Variants in PHACTR3 observed in about 807,000 individuals in gnomAD.
PHACTR3 encodes the protein protein phosphatase 1, regulatory subunit 123.
In PHACTR3, 16 loss-of-function variants were observed where a neutral mutation model predicts 66.8. That is an observed-to-expected ratio of 0.24 (90% CI 0.16 to 0.36). PHACTR3 has a LOEUF of 0.36. Among genes scored for constraint, PHACTR3 ranks in the 10% least tolerant of loss-of-function variants. The probability of loss-of-function intolerance (pLI) is 1.00; values close to 1 mark genes in which losing one functional copy is unlikely to be tolerated. For missense variants in PHACTR3, 647 were observed against 719.9 expected, an observed-to-expected ratio of 0.90 and a Z score of 1.16; for synonymous variants, 323 against 292.1, an observed-to-expected ratio of 1.11 and a Z score of -1.08.
chr20:59,629,054 T>G (rs963568495), intron 1 of PHACTR3, among the ~76,000 whole-genome samples: 1 of 152,238 alleles, frequency 6.6e-6, no homozygotes, highest in Non-Finnish European at 1.5e-5. Context: ...TTGCTGTTTT[T>G]TCAGTGAATA....
rs544240448 is a variant in PHACTR3, at chr20:59,779,540, C to A, written c.1174+5050C>A. Among the ~76,000 whole-genome samples, 11 of 152,304 alleles carry A rather than the reference C, an allele frequency of 7.2e-5. No homozygotes were observed. In the East Asian group the frequency reaches 2.1e-3, roughly 29 times the overall value. Reference sequence around the variant, plus strand: ...CTCCATGGGGTGAAAGCAGAAAGCACCAGGCAGCAAATTAATCAATTATTA... The same window carrying A: ...CTCCATGGGGTGAAAGCAGAAAGCAACAGGCAGCAAATTAATCAATTATTA... On this transcript the variant is annotated intron_variant, in intron 7 of 12. Transcript: ENST00000371015.
chr20:59,700,128 A>G (rs2037446047), intron 1 of PHACTR3, among the ~76,000 whole-genome samples: 2 of 152,156 alleles, frequency 1.3e-5, no homozygotes, highest in South Asian at 4.1e-4. Context: ...TGTCACATGA[A>G]TGATGGCAAT....
intron 1 of PHACTR3, among the ~76,000 whole-genome samples, chr20:59,630,223 C>G (rs1442706196): frequency 6.6e-6 from 1 of 151,970 alleles, no homozygotes; most frequent in Non-Finnish European, 1.5e-5. Context: ...CACTCTGTCC[C>G]CCAGGCTGGA....
Position 59,736,527 on chromosome 20 carries a change from C to G in PHACTR3, c.119-6580C>G, listed in dbSNP as rs1464888294. 6.6e-6 allele frequency among the ~76,000 whole-genome samples: 1 copy of G among 151,276 alleles called. No homozygotes were observed. Among genetic ancestry groups the G allele is most frequent in the East Asian group, 2.0e-4 (1 of 5,114 alleles). ...TGCACACTGGCTCCGCAGGTGCTCA[C>G]CCGCCCACCCGTGTAGGTGCACACC... On this transcript the variant is annotated intron_variant, in intron 1 of 12. Transcript: ENST00000371015. The surrounding 1 kb of genome is among the most constrained non-coding windows in gnomAD (Gnocchi z 4.6).
In PHACTR3 at chr20:59,840,372, G is replaced by GGAATGATCAGAC. The variant is rs1350600996; in HGVS notation, c.1389_1400dup (p.Asn464_Thr467dup). ...TTCCTATTTTAATCTTTCACAGAAA[G>GGAATGATCAGAC]GAATGATCAGACAGAGCAGGAAGAA... On this transcript the variant is annotated inframe_insertion, in exon 10 of 13. Transcript: ENST00000371015. 6.2e-7 allele frequency: 1 copy of GGAATGATCAGAC among 1,609,532 alleles called. No homozygotes were observed. The highest frequency in any genetic ancestry group is 1.7e-5 in the Admixed American group (1 of 59,486).
intron 1 of PHACTR3, among the ~76,000 whole-genome samples, chr20:59,638,359 G>T (rs1600979077): frequency 2.0e-5 from 3 of 152,238 alleles, no homozygotes; most frequent in South Asian, 2.1e-4. Flanking sequence ...CTGGGTGGAT[G>T]GATGGGTGGG....
intron 1 of PHACTR3, among the ~76,000 whole-genome samples, chr20:59,607,179 C>T (rs561713453): frequency 4.6e-5 from 7 of 152,126 alleles, no homozygotes; most frequent in African/African-American, 1.7e-4. Context: ...TGTCTTTGGG[C>T]AGATCTGTTT....
chr20:59,786,066 A>G (rs1025306097), intron 7 of PHACTR3, among the ~76,000 whole-genome samples: 1 of 152,174 alleles, frequency 6.6e-6, no homozygotes, highest in African/African-American at 2.4e-5. Flanking sequence ...GTGATGCTCA[A>G]ACTTCTGAGT....
intron 1 of PHACTR3, among the ~76,000 whole-genome samples, chr20:59,619,933 C>T (rs977593912): frequency 1.3e-5 from 2 of 152,222 alleles, no homozygotes; most frequent in East Asian, 1.9e-4. Context: ...GTCCTGAGGC[C>T]GCAGGAGGAG....
At chr20:59,771,044 G>T (rs4812130) in intron 5 of PHACTR3, among the ~76,000 whole-genome samples, 10,399 of 152,244 alleles carry the variant, frequency 0.068, 804 homozygotes, top group East Asian at 0.37. Flanking sequence ...TGCACAAGCT[G>T]GGTGGGGCGA....
At position 59,738,499 on chromosome 20, in the gene PHACTR3, A is replaced by AC. The variant is rs140745417; in HGVS notation, c.119-4606dup. 0.019 allele frequency among the ~76,000 whole-genome samples: 2,857 copies of AC among 152,042 alleles called. 61 individuals are homozygous for AC. Among genetic ancestry groups the AC allele is most frequent in the Non-Finnish European group, 0.03 (2,035 of 68,004 alleles). Reference sequence around the variant, plus strand: ...GCTGGGGCAGGGATGCTGGTACTGGACCAGGGTTGTTATGATGCAGGTGGC... The same window carrying AC: ...GCTGGGGCAGGGATGCTGGTACTGGACCCAGGGTTGTTATGATGCAGGTGGC... On this transcript the variant is annotated intron_variant, in intron 1 of 12. Coordinates refer to ENST00000371015, the MANE Select transcript of PHACTR3 (RefSeq NM_080672.5). This position sits in a 1 kb window ranked among gnomAD's most constrained non-coding sequence, Gnocchi z 4.4.
chr20:59,598,870 G>A (rs927079712), intron 1 of PHACTR3, among the ~76,000 whole-genome samples: 23 of 152,314 alleles, frequency 1.5e-4, no homozygotes, highest in African/African-American at 5.1e-4. Context: ...GCCTGTGTCA[G>A]AGTGGTGGTT....
chr20:59,841,925 G>A (rs1187334986), intron 11 of PHACTR3, among the ~76,000 whole-genome samples: 1 of 152,122 alleles, frequency 6.6e-6, no homozygotes, highest in Non-Finnish European at 1.5e-5. Flanking sequence ...ATAAATCAAA[G>A]GTGGGCAAGG....
At chr20:59,835,160 G>A (rs925386913) in intron 8 of PHACTR3, among the ~76,000 whole-genome samples, 1 of 152,212 alleles carries the variant, frequency 6.6e-6, no homozygotes, top group Non-Finnish European at 1.5e-5. Flanking sequence ...GTCATCTCCT[G>A]AGTGCTTGAA....
At chr20:59,722,295 C>T (rs545844173) in intron 1 of PHACTR3, among the ~76,000 whole-genome samples, 2 of 146,242 alleles carry the variant, frequency 1.4e-5, no homozygotes, top group East Asian at 4.3e-4. Flanking sequence ...GAAGCCACTA[C>T]AGTGGGTGGG....
Position 59,831,687 on chromosome 20 carries a change from G to A in PHACTR3, c.1329-4818G>A, listed in dbSNP as rs185725318. 2.1e-3 allele frequency among the ~76,000 whole-genome samples: 324 copies of A among 152,240 alleles called. 3 individuals are homozygous for A. Among genetic ancestry groups the A allele is most frequent in the Admixed American group, 4.6e-3 (71 of 15,292 alleles). Reference sequence around the variant, plus strand: ...CAAAGCCCAGCTATGCTCCGGCCACGTCTCTAGCGGCTCCTCGGAGAGCAA... The same window carrying A: ...CAAAGCCCAGCTATGCTCCGGCCACATCTCTAGCGGCTCCTCGGAGAGCAA... On this transcript the variant is annotated intron_variant, in intron 8 of 12. Transcript: ENST00000371015.
intron 1 of PHACTR3, among the ~76,000 whole-genome samples, chr20:59,734,794 A>G (rs2038890325): frequency 6.6e-6 from 1 of 152,124 alleles, no homozygotes; most frequent in Non-Finnish European, 1.5e-5. Flanking sequence ...ATGTACTGCC[A>G]TGCATTTATG....
chr20:59,639,214 A>G (rs1268160449), intron 1 of PHACTR3, among the ~76,000 whole-genome samples: 1 of 152,110 alleles, frequency 6.6e-6, no homozygotes, highest in Non-Finnish European at 1.5e-5. Flanking sequence ...CTGGAAGGAC[A>G]GTGGTGGAAG....
intron 1 of PHACTR3, among the ~76,000 whole-genome samples, chr20:59,590,480 T>C (rs1162827116): frequency 1.3e-5 from 2 of 152,220 alleles, no homozygotes; most frequent in Admixed American, 1.3e-4. Context: ...TCACCACATC[T>C]TCACCAGCAC....
Sources: allele counts gnomAD v4.1 joint callset (sites outside exome capture counted in the v4.1 genomes callset), GRCh38; gene constraint gnomAD v4.1.1; non-coding constraint Gnocchi (gnomAD v3.1); transcripts MANE v1.5; gene names NCBI Gene and HGNC (gene_info 2026-07-23, HGNC 2026-07-21).